The following OLFM1 variants were observed in gnomAD, a reference collection of about 807,000 sequenced individuals.
OLFM1 encodes the protein olfactomedin 1, also known as noelin.
OLFM1 carries 9 observed loss-of-function variants against 49.7 expected under a neutral mutation model. That is an observed-to-expected ratio of 0.18 (90% CI 0.11 to 0.32). The LOEUF (loss-of-function observed/expected upper bound fraction) is 0.32, where lower values mean the gene tolerates loss of function less well. Among genes scored for constraint, OLFM1 ranks in the 10% least tolerant of loss-of-function variants. OLFM1 has a pLI of 1.00. For synonymous variants in OLFM1, 240 were observed against 271.8 expected, an observed-to-expected ratio of 0.88 and a Z score of 1.15; for missense variants, 369 against 661.8, an observed-to-expected ratio of 0.56 and a Z score of 4.85.
chr9:135,118,690 C>T (rs1468908757), intron 5 of OLFM1, among the ~76,000 whole-genome samples: 2 of 150,120 alleles, frequency 1.3e-5, no homozygotes, highest in African/African-American at 4.9e-5. Context: ...GGAGTGCTCA[C>T]TGGGTCTTTG....
In OLFM1 at chr9:135,119,487, G is replaced by A. The variant is rs372233024; in HGVS notation, c.784-17G>A. 1.1e-5 allele frequency: 17 copies of A among 1,576,850 alleles called. No homozygotes were observed. The highest frequency in any genetic ancestry group is 9.8e-5 in the African/African-American group (7 of 71,560). On this transcript the variant is annotated splice_polypyrimidine_tract_variant and intron_variant, in intron 5 of 5. Coordinates refer to ENST00000371793, the MANE Select transcript of OLFM1 (RefSeq NM_001282611.2). The stretch of plus-strand genomic sequence containing the variant: ...GGTCTTTGGAAGTGCTCACCACCGG[G>A]TCTGCTCTCTCCACAGGTGTGGTAC...
exon 1 of OLFM1, chr9:135,075,578 C>A: frequency 1.9e-6 from 1 of 523,914 alleles, no homozygotes; most frequent in Non-Finnish European, 3.1e-6. Context: ...GCGCCGCCCG[C>A]TCCGGGTGCT....
chr9:135,091,060 C>G (rs1172438345), intron 2 of OLFM1, among the ~76,000 whole-genome samples: 2 of 152,214 alleles, frequency 1.3e-5, no homozygotes, highest in Non-Finnish European at 2.9e-5. Context: ...ATTTGGCTCC[C>G]AAGGGGTGGA....
Position 135,110,758 on chromosome 9 carries a change from C to A in OLFM1, c.783+3903C>A, listed in dbSNP as rs187645113. On this transcript the variant is annotated intron_variant, in intron 5 of 5. Transcript: ENST00000371793. ...CGGCAGAAACTGCCAGCATCCCCCC[C>A]ACCTCTTTCCCACCACCCATTCAGC... Among the ~76,000 whole-genome samples, 6 of 152,178 alleles carry A rather than the reference C, an allele frequency of 3.9e-5. No homozygotes were observed. The East Asian group carries it at 5.8e-4, about 15-fold the overall frequency.
In OLFM1 at chr9:135,120,672, C is replaced by G; in HGVS notation, c.*494C>G. 5.8e-6 allele frequency: 1 copy of G among 171,594 alleles called. No homozygotes were observed. Among genetic ancestry groups the G allele is most frequent in the Non-Finnish European group, 1.2e-5 (1 of 80,178 alleles). 10.6% of individuals were successfully genotyped at this position (171,594 alleles called of 1,614,324 possible). A position where few individuals can be genotyped will look rare whatever the true frequency, so the allele number is the denominator to read the frequency against. On this transcript the variant is annotated 3_prime_UTR_variant, in exon 6 of 6. Coordinates refer to ENST00000371793, the MANE Select transcript of OLFM1 (RefSeq NM_001282611.2). ...CTGTGTTGCTGTCTCTTAGATTAAC[C>G]GTGCTGAGGCTCCACATAGCTCCTG...
intron 5 of OLFM1, among the ~76,000 whole-genome samples, chr9:135,110,271 C>T (rs1831004079): frequency 6.6e-6 from 1 of 152,164 alleles, no homozygotes; most frequent in African/African-American, 2.4e-5. Flanking sequence ...CTGACCATGG[C>T]CTGCCTTCCA....
chr9:135,112,315 G>A (rs1435743217), intron 5 of OLFM1, among the ~76,000 whole-genome samples: 1 of 152,228 alleles, frequency 6.6e-6, no homozygotes. Flanking sequence ...TGCTGTCTAA[G>A]GTCCCTGTTC....
At chr9:135,091,755 A>ACACTCATAGTCACACACACCCACACAGT (rs1291188470) in intron 2 of OLFM1, among the ~76,000 whole-genome samples, 1 of 150,532 alleles carries the variant, frequency 6.6e-6, no homozygotes, top group Non-Finnish European at 1.5e-5. Flanking sequence ...ACATAGTCAC[A>ACACTCATAGTCACACACACCCACACAGT]CACACTCACA....
chr9:135,094,334 G>A (rs532154922), intron 2 of OLFM1, among the ~76,000 whole-genome samples: 3 of 152,362 alleles, frequency 2.0e-5, no homozygotes, highest in East Asian at 3.9e-4. Context: ...ACAAAGTGAC[G>A]TTGTTGTTTC....
intron 5 of OLFM1, among the ~76,000 whole-genome samples, 162 bp from the exon 6 acceptor site, chr9:135,119,342 G>C (rs999010103): frequency 2.7e-5 from 4 of 147,862 alleles, no homozygotes; most frequent in African/African-American, 7.6e-5. Context: ...TGCTCACGGG[G>C]TCTTTGGAGT....
intron 1 of OLFM1, chr9:135,076,958 T>A (rs1225968550): frequency 1.3e-6 from 2 of 1,550,552 alleles, no homozygotes; most frequent in Non-Finnish European, 1.7e-6. Flanking sequence ...GCAGTCCAAA[T>A]CCCAATCCAG....
chr9:135,092,103 G>A (rs1342806994), intron 2 of OLFM1, among the ~76,000 whole-genome samples: 1 of 152,214 alleles, frequency 6.6e-6, no homozygotes, highest in Non-Finnish European at 1.5e-5. Flanking sequence ...CACCTCGTTG[G>A]GGAAGGTGGG....
At chr9:135,109,947 G>A (rs1300283270) in intron 5 of OLFM1, among the ~76,000 whole-genome samples, 2 of 152,144 alleles carry the variant, frequency 1.3e-5, no homozygotes, top group Non-Finnish European at 1.5e-5. Context: ...AGCTTGGGAC[G>A]CCTTTGCAGC....
In OLFM1 at chr9:135,120,927, A is replaced by T. The variant is rs192627924; in HGVS notation, c.*749A>T. The T allele has an allele frequency of 2.6e-5, 4 of 151,580 alleles. No individual in the cohort carries two copies. The highest frequency in any genetic ancestry group is 3.9e-4 in the East Asian group (2 of 5,190). The allele number at this position is 151,580 out of a possible 1,614,324, so 9.4% of individuals were successfully genotyped here. A position where few individuals can be genotyped will look rare whatever the true frequency, so the allele number is the denominator to read the frequency against. On this transcript the variant is annotated 3_prime_UTR_variant, in exon 6 of 6. Transcript: ENST00000371793. ...TTTTGTTTCTAAAAAGAAAAAAAAA[A>T]TCAGTGTTCACCCTTATAGAGACAT...
chr9:135,086,514 C>T (rs11103667), upstream of OLFM1: 93,671 of 407,692 alleles, frequency 0.23, 13,861 homozygotes, highest in African/African-American at 0.54. Flanking sequence ...CAAATCCCAT[C>T]CAGGAAGGGA....
chr9:135,116,380 A>G (rs556712244), intron 5 of OLFM1, among the ~76,000 whole-genome samples: 22 of 152,108 alleles, frequency 1.4e-4, no homozygotes, highest in Admixed American at 1.3e-3. Context: ...CCCACCCCCA[A>G]TTACATCTTC....
At chr9:135,087,324 C>T, upstream of OLFM1, 1 of 1,533,800 alleles carries the variant, frequency 6.5e-7, no homozygotes, top group Admixed American at 2.0e-5. Context: ...CAACCTTTGC[C>T]CCAAAGCGGA....
At chr9:135,097,405 G>A (rs1830814586) in intron 3 of OLFM1, among the ~76,000 whole-genome samples, 1 of 152,138 alleles carries the variant, frequency 6.6e-6, no homozygotes. Context: ...TTATGTCTCT[G>A]AGCCAGCACT....
chr9:135,113,530 G>A lies in OLFM1; in HGVS notation c.784-5974G>A, dbSNP rs559021374. On this transcript the variant is annotated intron_variant, in intron 5 of 5. Coordinates refer to ENST00000371793, the MANE Select transcript of OLFM1 (RefSeq NM_001282611.2). This position sits in a 1 kb window ranked among gnomAD's most constrained non-coding sequence, Gnocchi z 4.0. ...AGGGAACTGAGGCACAGAGAGGGGT[G>A]GAAACTCCCCAGGTCTCGCTGGAGA... Among the ~76,000 whole-genome samples, 1 of 152,324 alleles carries A rather than the reference G, an allele frequency of 6.6e-6. No homozygotes were observed. Among genetic ancestry groups the A allele is most frequent in the Admixed American group, 6.5e-5 (1 of 15,304 alleles).
Sources: gnomAD v4.1 joint callset for allele counts (sites outside exome capture counted in the v4.1 genomes callset) on GRCh38, gnomAD v4.1.1 for gene constraint, Gnocchi (gnomAD v3.1) non-coding constraint, MANE v1.5 for transcripts, NCBI Gene and HGNC (gene_info 2026-07-23, HGNC 2026-07-21) for gene names.